Variants in NKX2-4 observed in about 807,000 individuals in gnomAD.
NKX2-4 encodes homeobox protein Nkx-2.4.
In NKX2-4, 6 loss-of-function variants were observed where a neutral mutation model predicts 8.6. That is an observed-to-expected ratio of 0.70 (90% CI 0.38 to 1.38). NKX2-4 has a LOEUF of 1.38. Ranked by LOEUF, NKX2-4 falls within the 40% of genes most tolerant of loss-of-function variation. The pLI, the probability that NKX2-4 is intolerant of heterozygous loss-of-function variation, is 0.02. For missense variants in NKX2-4, 601 were observed against 548.4 expected (o/e 1.10, Z -0.96); for synonymous variants, 299 against 272.6 (o/e 1.10, Z -0.95).
rs1459631269 is a variant in NKX2-4 at position 21,397,185 on chromosome 20, G to C, written c.215C>G (p.Ala72Gly). 2.4e-6 allele frequency: 3 copies of C among 1,261,364 alleles called. No individual in the cohort carries two copies. In the African/African-American group the frequency reaches 4.7e-5, roughly 20 times the overall value. 78.1% of individuals were successfully genotyped at this position (1,261,364 alleles called of 1,614,324 possible). A position where few individuals can be genotyped will look rare whatever the true frequency, so the allele number is the denominator to read the frequency against. Residue 72 changes from alanine (A) to glycine (G), a missense_variant, in exon 1 of 2, where the codon GCG (alanine) becomes GGG (glycine). Ala to Gly is a moderately conservative substitution (Grantham distance 60). Transcript: ENST00000351817. ...CGCCGCGGCCGCCGCGTTGTGACCC[G>C]CCATGGCGTGAGAAGGCTGCATGCC... ...VAGMQPSHAM[A>G]GHNAAAAAAA... is the part of the protein sequence containing the mutation.
rs892026916 is a variant in NKX2-4 at position 21,397,495 on chromosome 20, T to C, written c.-96A>G. 2.5e-6 allele frequency: 3 copies of C among 1,206,092 alleles called. No homozygotes were observed. The highest frequency in any genetic ancestry group is 3.1e-6 in the Non-Finnish European group (3 of 973,830). The allele number at this position is 1,206,092 out of a possible 1,614,324, so 74.7% of individuals were successfully genotyped here. Reference sequence around the variant, plus strand: ...CCACCTCGGCCGCGGCAGCTGAGCCTGTGACGAGGAGTCGGCGGCTCGGCG... The same window carrying C: ...CCACCTCGGCCGCGGCAGCTGAGCCCGTGACGAGGAGTCGGCGGCTCGGCG... On this transcript the variant is annotated 5_prime_UTR_variant, in exon 1 of 2. Coordinates refer to ENST00000351817, the MANE Select transcript of NKX2-4 (RefSeq NM_033176.2).
At chr20:21,396,694 C>T (rs1357637126) in intron 1 of NKX2-4, among the ~76,000 whole-genome samples, 161 bp from the exon 2 acceptor site, 1 of 151,396 alleles carries the variant, frequency 6.6e-6, no homozygotes, top group Non-Finnish European at 1.5e-5. Context: ...ACGCCCCGCG[C>T]GCCCTCGGCG....
rs2039009314 is a variant in NKX2-4, at chr20:21,395,688, C to T, written c.*223G>A. 1 of 359,130 alleles carries T rather than the reference C, an allele frequency of 2.8e-6. No individual in the cohort carries two copies. The highest frequency in any genetic ancestry group is 4.2e-5 in the East Asian group (1 of 23,932). 22.2% of individuals were successfully genotyped at this position (359,130 alleles called of 1,614,324 possible). A position where few individuals can be genotyped will look rare whatever the true frequency, so the allele number is the denominator to read the frequency against. ...AACTTCTAGGAGGAGAAAATCACCA[C>T]CTCAAAGCCTCGTGGCATAATGTTA... On this transcript the variant is annotated 3_prime_UTR_variant, in exon 2 of 2. Coordinates refer to ENST00000351817, the MANE Select transcript of NKX2-4 (RefSeq NM_033176.2).
chr20:21,397,161 G>A lies in NKX2-4; in HGVS notation c.239C>T (p.Ala80Val). Residue 80 changes from alanine (A) to valine (V), a missense_variant, in exon 1 of 2, where the codon GCG (alanine) becomes GTG (valine). Transcript: ENST00000351817. Reference protein sequence around the residue: ...AMAGHNAAAAAAAAAAAAAAA... With the variant: ...AMAGHNAAAAVAAAAAAAAAA... ...CGCCGCCGCAGCTGCTGCCGCCGCC[G>A]CCGCGGCCGCCGCGTTGTGACCCGC... is the stretch of plus-strand genomic sequence containing the variant. 6 of 1,262,502 alleles carry A rather than the reference G, an allele frequency of 4.8e-6. No homozygotes were observed. The highest frequency in any genetic ancestry group is 3.4e-5 in the East Asian group (1 of 29,810). 78.2% of individuals were successfully genotyped at this position (1,262,502 alleles called of 1,614,324 possible).
At position 21,396,216 on chromosome 20, in the gene NKX2-4, G is replaced by C. The variant is rs1490726877; in HGVS notation, c.760C>G (p.Gln254Glu). 6.3e-7 allele frequency: 1 copy of C among 1,581,336 alleles called. No homozygotes were observed. Among genetic ancestry groups the C allele is most frequent in the Non-Finnish European group, 8.6e-7 (1 of 1,167,532 alleles). ...AGGCCGCCCTCCTGCTGCAGCTGCT[G>C]CGCCGCCTTGTCCTTGGCCTGCCGT... ...MKRQAKDKAA[Q>E]QLQQEGGLGP... The change falls in exon 2 of 2, where the codon CAG becomes GAG. Residue 254 changes from glutamine (Q) to glutamate (E), a missense_variant. Gln to Glu is a conservative substitution (Grantham distance 29). Transcript: ENST00000351817.
Position 21,395,995 on chromosome 20 carries a change from G to A in NKX2-4, c.981C>T (p.Gly327=), listed in dbSNP as rs556447303. The change falls in exon 2 of 2, where the codon GGC becomes GGT. Residue 327 remains glycine, a synonymous_variant. Coordinates refer to ENST00000351817, the MANE Select transcript of NKX2-4 (RefSeq NM_033176.2). ...CGGCCGCGTCCAGGGCCGCCAGGCC[G>A]CCCCCCGGGCCGTGCAGCGCGGGTG... ...PSPPALHGPG[G]GLAALDAAAG... 169 of 1,252,628 alleles carry A rather than the reference G, an allele frequency of 1.3e-4. No individual in the cohort carries two copies. The African/African-American group carries it at 2.4e-3, about 18-fold the overall frequency. The allele number at this position is 1,252,628 out of a possible 1,614,324, so 77.6% of individuals were successfully genotyped here.
chr20:21,396,667 C>A (rs752982670), intron 1 of NKX2-4, 134 bp from the exon 2 acceptor site: 4 of 747,290 alleles, frequency 5.4e-6, no homozygotes, highest in South Asian at 3.3e-5. Context: ...CTGACCGCCG[C>A]GGCCTCCGGC....
chr20:21,397,260 G>T lies in NKX2-4; in HGVS notation c.140C>A (p.Ala47Asp). The change falls in exon 1 of 2, where the codon GCC becomes GAC. Residue 47 changes from alanine to aspartate, a missense_variant. Ala to Asp is a moderately radical substitution (Grantham distance 126). Coordinates refer to ENST00000351817, the MANE Select transcript of NKX2-4 (RefSeq NM_033176.2). Reference protein sequence around the residue: ...GLGAPLGAAAAYRAPPPGPSS... With the variant: ...GLGAPLGAAADYRAPPPGPSS... ...GGGCCCAGGTGGCGGCGCGCGGTAGGCGGCCGCGGCCCCCAGGGGCGCCCC... is the reference window on the plus strand; with the variant it reads ...GGGCCCAGGTGGCGGCGCGCGGTAGTCGGCCGCGGCCCCCAGGGGCGCCCC... 8.1e-7 allele frequency: 1 copy of T among 1,239,064 alleles called. No homozygotes were observed. The allele number at this position is 1,239,064 out of a possible 1,614,324, so 76.8% of individuals were successfully genotyped here. A position where few individuals can be genotyped will look rare whatever the true frequency, so the allele number is the denominator to read the frequency against.
Position 21,397,087 on chromosome 20 carries a change from C to T in NKX2-4, c.313G>A (p.Gly105Ser), listed in dbSNP as rs1380119405. 13 of 1,395,216 alleles carry T rather than the reference C, an allele frequency of 9.3e-6. No individual in the cohort carries two copies. Among genetic ancestry groups the T allele is most frequent in the Non-Finnish European group, 1.2e-5 (13 of 1,071,258 alleles). The allele number at this position is 1,395,216 out of a possible 1,614,324, so 86.4% of individuals were successfully genotyped here. The change falls in exon 1 of 2, where the codon GGC becomes AGC. Residue 105 changes from glycine (G) to serine (S), a missense_variant. Transcript: ENST00000351817. ...CCGTTGCAGTAGCTGCCCATGGCGC[C>T]GTGCGGGAACTGCGAGACGCCGGGC... ...MPPGVSQFPH[G>S]AMGSYCNGGL...
chr20:21,396,683 C>G, intron 1 of NKX2-4, 150 bp from the exon 2 acceptor site: 2 of 685,162 alleles, frequency 2.9e-6, no homozygotes, highest in Non-Finnish European at 4.3e-6. Context: ...CCGGCCCCAG[C>G]ACGCCCCGCG....
Position 21,397,400 on chromosome 20 carries a change from G to A in NKX2-4, c.-1C>T, listed in dbSNP as rs769807708. 8 of 1,384,748 alleles carry A rather than the reference G, an allele frequency of 5.8e-6. No individual in the cohort carries two copies. Among genetic ancestry groups the A allele is most frequent in the Non-Finnish European group, 7.5e-6 (8 of 1,070,366 alleles). 85.8% of individuals were successfully genotyped at this position (1,384,748 alleles called of 1,614,324 possible). A position where few individuals can be genotyped will look rare whatever the true frequency, so the allele number is the denominator to read the frequency against. ...TCGTGTGCTTTGGGCTCAACGACAT[G>A]GCTCGGCGGGCAGCCAGGTAGGGGG... is the stretch of plus-strand genomic sequence containing the variant. On this transcript the variant is annotated 5_prime_UTR_variant, in exon 1 of 2. Coordinates refer to ENST00000351817, the MANE Select transcript of NKX2-4 (RefSeq NM_033176.2).
chr20:21,397,020 C>A lies in NKX2-4; in HGVS notation c.380G>T (p.Gly127Val). The A allele has an allele frequency of 6.8e-7, 1 of 1,468,898 alleles. No homozygotes were observed. Among genetic ancestry groups the A allele is most frequent in the Non-Finnish European group, 9.0e-7 (1 of 1,112,636 alleles). 91.0% of individuals were successfully genotyped at this position (1,468,898 alleles called of 1,614,324 possible). The change falls in exon 1 of 2, where the codon GGC becomes GTC. Residue 127 changes from glycine (G) to valine (V), a missense_variant. Physicochemically the swap from Gly to Val is moderately radical, Grantham distance 109. Coordinates refer to ENST00000351817, the MANE Select transcript of NKX2-4 (RefSeq NM_033176.2). ...GCCGGTGGCCGCGCCGCCCCGCATG[C>A]CGTCCGTGTAGGCGGGCAGCTCGCC... ...NMGELPAYTD[G>V]MRGGAATGWY...
At position 21,395,984 on chromosome 20, in the gene NKX2-4, G is replaced by GCCGCCAGGCCGC; in HGVS notation, c.980_991dup (p.Gly327_Ala330dup). On this transcript the variant is annotated inframe_insertion, in exon 2 of 2. Coordinates refer to ENST00000351817, the MANE Select transcript of NKX2-4 (RefSeq NM_033176.2). ...GTACTCCCCGGCGGCCGCGTCCAGG[G>GCCGCCAGGCCGC]CCGCCAGGCCGCCCCCCGGGCCGTG... is the stretch of plus-strand genomic sequence containing the variant. The GCCGCCAGGCCGC allele has an allele frequency of 7.9e-7, 1 of 1,267,088 alleles. No homozygotes were observed. Among genetic ancestry groups the GCCGCCAGGCCGC allele is most frequent in the South Asian group, 3.2e-5 (1 of 31,258 alleles). The allele number at this position is 1,267,088 out of a possible 1,614,324, so 78.5% of individuals were successfully genotyped here. A position where few individuals can be genotyped will look rare whatever the true frequency, so the allele number is the denominator to read the frequency against.
Position 21,395,752 on chromosome 20 carries a change from C to G in NKX2-4, c.*159G>C, listed in dbSNP as rs1263870018. On this transcript the variant is annotated 3_prime_UTR_variant, in exon 2 of 2. Transcript: ENST00000351817. ...CCGGGCTGTCGCTGTCCCCCGCCCC[C>G]AGCAAGAGGTTCACAGCCTGCTCCT... The G allele has an allele frequency of 1.1e-5, 6 of 544,822 alleles. No homozygotes were observed. The highest frequency in any genetic ancestry group is 1.7e-5 in the Non-Finnish European group (6 of 356,040). The allele number at this position is 544,822 out of a possible 1,614,324, so 33.7% of individuals were successfully genotyped here. A position where few individuals can be genotyped will look rare whatever the true frequency, so the allele number is the denominator to read the frequency against.
In NKX2-4 at chr20:21,397,268, GGCCCCCAGGGGC is replaced by G. The variant is rs771572212; in HGVS notation, c.120_131del (p.Pro41_Ala44del). The G allele has an allele frequency of 2.7e-5, 34 of 1,242,012 alleles. No individual in the cohort carries two copies. Among genetic ancestry groups the G allele is most frequent in the African/African-American group, 2.7e-4 (17 of 63,582 alleles). The allele number at this position is 1,242,012 out of a possible 1,614,324, so 76.9% of individuals were successfully genotyped here. A position where few individuals can be genotyped will look rare whatever the true frequency, so the allele number is the denominator to read the frequency against. Reference sequence around the variant, plus strand: ...GTGGCGGCGCGCGGTAGGCGGCCGCGGCCCCCAGGGGCGCCCCCAGGCCGGGTGGCGCGCCGT... The same window carrying G: ...GTGGCGGCGCGCGGTAGGCGGCCGCGGCCCCCAGGCCGGGTGGCGCGCCGT... On this transcript the variant is annotated inframe_deletion, in exon 1 of 2. Coordinates refer to ENST00000351817, the MANE Select transcript of NKX2-4 (RefSeq NM_033176.2).
Position 21,397,125 on chromosome 20 carries a change from G to A in NKX2-4, c.275C>T (p.Thr92Ile). The change falls in exon 1 of 2, where the codon ACC becomes ATC. Residue 92 changes from threonine (T) to isoleucine (I), a missense_variant. Transcript: ENST00000351817. Reference sequence around the variant, plus strand: ...CGAGACGCCGGGCGGCATGTGGTAGGTGGCGGCCGCCGCCGCCGCAGCTGC... The same window carrying A: ...CGAGACGCCGGGCGGCATGTGGTAGATGGCGGCCGCCGCCGCCGCAGCTGC... Reference protein sequence around the residue: ...AAAAAAAAAATYHMPPGVSQF... With the variant: ...AAAAAAAAAAIYHMPPGVSQF... 2 of 1,291,598 alleles carry A rather than the reference G, an allele frequency of 1.5e-6. No homozygotes were observed. The highest frequency in any genetic ancestry group is 1.9e-6 in the Non-Finnish European group (2 of 1,026,204). The allele number at this position is 1,291,598 out of a possible 1,614,324, so 80.0% of individuals were successfully genotyped here.
intron 1 of NKX2-4, 79 bp downstream of exon 1, chr20:21,396,879 G>A (rs1440311632): frequency 2.5e-6 from 3 of 1,207,048 alleles, no homozygotes; most frequent in Non-Finnish European, 3.1e-6. Context: ...CGCGCACCCC[G>A]TCCCGCGCCC....
intron 1 of NKX2-4, 79 bp downstream of exon 1, chr20:21,396,879 G>T: frequency 8.3e-7 from 1 of 1,207,148 alleles, no homozygotes. Context: ...CGCGCACCCC[G>T]TCCCGCGCCC....
chr20:21,396,442 C>G lies in NKX2-4; in HGVS notation c.534G>C (p.Pro178=). 1 of 1,507,214 alleles carries G rather than the reference C, an allele frequency of 6.6e-7. No homozygotes were observed. Among genetic ancestry groups the G allele is most frequent in the Non-Finnish European group, 8.8e-7 (1 of 1,137,504 alleles). 93.4% of individuals were successfully genotyped at this position (1,507,214 alleles called of 1,614,324 possible). ...CGGCTGCCGCCGCCGCCGCGTGCAG[C>G]GGGCCCAGCGACTTGGCGGCGTCCG... is the stretch of plus-strand genomic sequence containing the variant. ...GIADAAKSLG[P]LHAAAAAAAP... The change falls in exon 2 of 2, where the codon CCG becomes CCC. Residue 178 remains proline (P), a synonymous_variant. Transcript: ENST00000351817.
Sources: gnomAD v4.1 joint callset for allele counts (sites outside exome capture counted in the v4.1 genomes callset) on GRCh38, gnomAD v4.1.1 for gene constraint, MANE v1.5 for transcripts, NCBI Gene and HGNC (gene_info 2026-07-23, HGNC 2026-07-21) for gene names.